The following ARK2N variants were observed in gnomAD, a reference collection of about 807,000 sequenced individuals.
ARK2N encodes arkadia (RNF111) N-terminal like PKA signaling regulator 2N, also known as protein ARK2N.
At chr18:46,175,742 C>T in the ARK2N span, among the ~76,000 whole-genome samples, 1 of 152,210 alleles carries the variant, frequency 6.6e-6, no homozygotes, top group African/African-American at 2.4e-5. Context: ...ACCTCGTGAT[C>T]TGCCCGCCTT....
the ARK2N span, among the ~76,000 whole-genome samples, chr18:46,220,993 A>C: frequency 7.2e-5 from 11 of 152,172 alleles, no homozygotes; most frequent in Non-Finnish European, 1.2e-4. Context: ...AAAGTTAGCC[A>C]GGTGTAGCAG....
the ARK2N span, among the ~76,000 whole-genome samples, chr18:46,234,000 A>G: frequency 6.6e-6 from 1 of 152,154 alleles, no homozygotes; most frequent in Non-Finnish European, 1.5e-5. Flanking sequence ...TTTGGTATTT[A>G]AGGCTTTTTT....
chr18:46,250,505 C>CACACACACACACACACACACACAT, the ARK2N span, among the ~76,000 whole-genome samples: 125 of 151,552 alleles, frequency 8.2e-4, no homozygotes, highest in African/African-American at 2.8e-3. Flanking sequence ...CACACACACA[C>CACACACACACACACACACACACAT]ACACACACAC....
chr18:46,212,990 ATTTT>A, the ARK2N span, among the ~76,000 whole-genome samples: 577 of 80,416 alleles, frequency 7.2e-3, 1 homozygote, highest in African/African-American at 0.026. Context: ...TTTAAGAAGA[ATTTT>A]TTTTTTTTTT....
the ARK2N span, among the ~76,000 whole-genome samples, chr18:46,238,899 G>A: frequency 6.6e-6 from 1 of 152,040 alleles, no homozygotes; most frequent in Non-Finnish European, 1.5e-5. Context: ...TCATAAAATA[G>A]GTGTGTTTAA....
At chr18:46,200,458 C>A in the ARK2N span, among the ~76,000 whole-genome samples, 1 of 152,172 alleles carries the variant, frequency 6.6e-6, no homozygotes, top group African/African-American at 2.4e-5. Flanking sequence ...CAGGCACGTG[C>A]CACCACGCCC....
the ARK2N span, among the ~76,000 whole-genome samples, chr18:46,191,247 G>A: frequency 3.9e-5 from 6 of 152,118 alleles, no homozygotes; most frequent in South Asian, 2.1e-4. Flanking sequence ...AAGTACAGAC[G>A]GTCCTCAACC....
chr18:46,213,695 T>A, the ARK2N span, among the ~76,000 whole-genome samples: 2 of 151,958 alleles, frequency 1.3e-5, no homozygotes, highest in Non-Finnish European at 2.9e-5. Context: ...TTATTTTTTA[T>A]TTATTTTATT....
At chr18:46,242,298 T>C in the ARK2N span, among the ~76,000 whole-genome samples, 3 of 152,206 alleles carry the variant, frequency 2.0e-5, no homozygotes, top group South Asian at 2.1e-4. Context: ...GAATTCTTAA[T>C]ATTAGATTGA....
chr18:46,186,057 G>A, the ARK2N span, among the ~76,000 whole-genome samples: 1 of 152,026 alleles, frequency 6.6e-6, no homozygotes, highest in African/African-American at 2.4e-5. Flanking sequence ...GACAGGGAGG[G>A]GGGGCATTTT....
At chr18:46,228,742 T>C in the ARK2N span, 2 of 398,420 alleles carry the variant, frequency 5.0e-6, no homozygotes, top group African/African-American at 4.1e-5. Flanking sequence ...GGCTAATTTT[T>C]ATATATTTTG....
At chr18:46,191,204 A>G in the ARK2N span, among the ~76,000 whole-genome samples, 7 of 152,108 alleles carry the variant, frequency 4.6e-5, no homozygotes, top group Non-Finnish European at 7.3e-5. Context: ...TATTTTTTAG[A>G]TGAGTTTTAG....
At chr18:46,202,096 C>G in the ARK2N span, among the ~76,000 whole-genome samples, 1 of 152,088 alleles carries the variant, frequency 6.6e-6, no homozygotes. Flanking sequence ...GTTTTCTTAA[C>G]TTTGCCCTGG....
At chr18:46,214,240 T>C in the ARK2N span, among the ~76,000 whole-genome samples, 1 of 152,212 alleles carries the variant, frequency 6.6e-6, no homozygotes, top group Non-Finnish European at 1.5e-5. Context: ...TTGAACTATC[T>C]AGGTAACTTG....
the ARK2N span, among the ~76,000 whole-genome samples, chr18:46,261,125 G>A: frequency 4.6e-5 from 7 of 152,180 alleles, no homozygotes; most frequent in Non-Finnish European, 8.8e-5. Context: ...GCTTATACAG[G>A]TGAGCTTTTG....
chr18:46,187,481 A>G, the ARK2N span, among the ~76,000 whole-genome samples: 27 of 151,638 alleles, frequency 1.8e-4, no homozygotes, highest in East Asian at 5.4e-3. Context: ...AGCTGAGATT[A>G]CAGGTGCACG....
the ARK2N span, among the ~76,000 whole-genome samples, chr18:46,213,917 G>A: frequency 6.6e-6 from 1 of 152,018 alleles, no homozygotes; most frequent in African/African-American, 2.4e-5. Flanking sequence ...GACTGGTCTC[G>A]AACTTCCAAC....
At chr18:46,225,589 T>C in the ARK2N span, among the ~76,000 whole-genome samples, 2 of 152,110 alleles carry the variant, frequency 1.3e-5, no homozygotes, top group African/African-American at 4.8e-5. Context: ...CTCCCGAGTA[T>C]CTGGGATTCC....
chr18:46,261,467 G>C, the ARK2N span, among the ~76,000 whole-genome samples: 2 of 152,176 alleles, frequency 1.3e-5, no homozygotes, highest in Non-Finnish European at 2.9e-5. Context: ...GTAGTGTTCC[G>C]TTGGCCTTCA....
Sources: gnomAD v4.1 joint callset for allele counts (sites outside exome capture counted in the v4.1 genomes callset) on GRCh38, gnomAD v4.1.1 for gene constraint, MANE v1.5 for transcripts, NCBI Gene and HGNC (gene_info 2026-07-23, HGNC 2026-07-21) for gene names.